Variants in IL1RAPL2 observed in about 807,000 individuals in gnomAD.
IL1RAPL2 encodes the protein X-linked interleukin-1 receptor accessory protein-like 2.
A neutral mutation model predicts 44.1 loss-of-function variants in IL1RAPL2; 3 were observed. The ratio of observed to expected loss-of-function variants is 0.07; its 90% CI spans 0.03 to 0.18. The LOEUF (loss-of-function observed/expected upper bound fraction) is 0.18. IL1RAPL2 is among the 10% of genes least tolerant of loss of function. The pLI is 1.00. For missense variants in IL1RAPL2, 391 were observed against 496.4 expected, an observed-to-expected ratio of 0.79 and a Z score of 2.02; for synonymous variants, 181 against 178.8, an observed-to-expected ratio of 1.01 and a Z score of -0.10.
At chrX:105,329,116 G>C (rs2034965091) in intron 5 of IL1RAPL2, among the ~76,000 whole-genome samples, 1 of 112,086 alleles carries the variant, frequency 8.9e-6, no homozygotes, top group African/African-American at 3.2e-5. Context: ...ATATTTTTCT[G>C]TGGATTCTGA....
chrX:105,511,221 G>A (rs1212676867), intron 6 of IL1RAPL2, among the ~76,000 whole-genome samples: 1 of 111,309 alleles, frequency 9.0e-6, no homozygotes, highest in African/African-American at 3.3e-5. Context: ...CTTATGATTC[G>A]AGAAAAGGTC....
intron 2 of IL1RAPL2, among the ~76,000 whole-genome samples, chrX:104,780,878 T>C (rs1724001928): frequency 9.0e-6 from 1 of 111,404 alleles, no homozygotes; most frequent in African/African-American, 3.3e-5. Flanking sequence ...ATTTGTGTAT[T>C]CTAAGGAAGC....
intron 8 of IL1RAPL2, among the ~76,000 whole-genome samples, chrX:105,747,492 ATGTGTGTGTG>A (rs748769479): frequency 5.2e-4 from 31 of 59,611 alleles, no homozygotes; most frequent in South Asian, 2.7e-3. Context: ...GTGTGTGTGT[ATGTGTGTGTG>A]TGTGTGTGTG....
chrX:105,307,304 C>G (rs779717379), intron 5 of IL1RAPL2, among the ~76,000 whole-genome samples: 53 of 94,332 alleles, frequency 5.6e-4, no homozygotes, highest in Admixed American at 2.3e-3. Context: ...GGCATGGTTA[C>G]ACATGCCTAT....
intron 2 of IL1RAPL2, among the ~76,000 whole-genome samples, chrX:104,795,543 A>G (rs1932845158): frequency 9.1e-6 from 1 of 110,329 alleles, no homozygotes; most frequent in South Asian, 3.9e-4. Flanking sequence ...ATAAAAAGTG[A>G]TGGATCAAGT....
At chrX:104,658,816 A>C (rs779523552) in intron 1 of IL1RAPL2, 79 bp from the exon 2 acceptor site, 6 of 624,988 alleles carry the variant, frequency 9.6e-6, no homozygotes, top group Non-Finnish European at 1.6e-5. Flanking sequence ...AGTTTTGAAA[A>C]ATGTAAAATT....
In IL1RAPL2 at chrX:105,284,607, G is replaced by T. The variant is rs145345699; in HGVS notation, c.697+17066G>T. 8.1e-3 allele frequency among the ~76,000 whole-genome samples: 907 copies of T among 111,777 alleles called. 12 individuals are homozygous for T. The highest frequency in any genetic ancestry group is 0.028 in the African/African-American group (869 of 30,785). On this transcript the variant is annotated intron_variant, in intron 5 of 10. Transcript: ENST00000372582. The stretch of plus-strand genomic sequence containing the variant: ...GAGAATAAAGCCTGGTACATAGTTG[G>T]CTCTCAATAAATGATAGCTAATATT...
intron 2 of IL1RAPL2, among the ~76,000 whole-genome samples, chrX:104,845,925 A>G (rs918456430): frequency 1.8e-5 from 2 of 111,664 alleles, no homozygotes; most frequent in African/African-American, 6.5e-5. Flanking sequence ...ATTGATGACT[A>G]AGAGTCAGTG....
intron 5 of IL1RAPL2, among the ~76,000 whole-genome samples, chrX:105,332,127 G>A (rs1017891935): frequency 1.6e-4 from 18 of 110,102 alleles, no homozygotes; most frequent in Non-Finnish European, 1.1e-4. Context: ...TGCAGGTATC[G>A]CAGACATATA....
At chrX:105,035,001 G>A (rs1461320444) in intron 2 of IL1RAPL2, among the ~76,000 whole-genome samples, 1 of 77,370 alleles carries the variant, frequency 1.3e-5, no homozygotes, top group Non-Finnish European at 2.4e-5. Context: ...TGCTGTGCTA[G>A]CAATCAGCGA....
At chrX:105,149,835 A>AAAAT (rs765874056) in intron 2 of IL1RAPL2, among the ~76,000 whole-genome samples, 2,716 of 109,475 alleles carry the variant, frequency 0.025, 77 homozygotes, top group African/African-American at 0.068. Flanking sequence ...CTCCATCTCA[A>AAAAT]AAATAAATAA....
intron 2 of IL1RAPL2, among the ~76,000 whole-genome samples, chrX:105,005,668 T>G (rs2030929439): frequency 9.0e-6 from 1 of 110,687 alleles, no homozygotes; most frequent in South Asian, 3.8e-4. Context: ...TCACCATGTA[T>G]TTCCAAGTTT....
chrX:104,896,642 T>C (rs1314685600), intron 2 of IL1RAPL2, among the ~76,000 whole-genome samples: 2 of 111,571 alleles, frequency 1.8e-5, no homozygotes, highest in East Asian at 2.8e-4. Context: ...AATGGACCAA[T>C]CAGCAGGATG....
At chrX:105,087,865 G>T (rs1320120069) in intron 2 of IL1RAPL2, among the ~76,000 whole-genome samples, 1 of 112,201 alleles carries the variant, frequency 8.9e-6, no homozygotes, top group African/African-American at 3.2e-5. Context: ...CAGAGCTGGA[G>T]TTGCTTTTGT....
chrX:105,469,930 A>G (rs1234184251), intron 5 of IL1RAPL2, among the ~76,000 whole-genome samples: 1 of 111,625 alleles, frequency 9.0e-6, no homozygotes, highest in Admixed American at 9.6e-5. Flanking sequence ...TTCCAGAAAT[A>G]TAGTTGGTGA....
At chrX:104,694,980 C>G in intron 2 of IL1RAPL2, among the ~76,000 whole-genome samples, 1 of 112,278 alleles carries the variant, frequency 8.9e-6, no homozygotes, top group Non-Finnish European at 1.9e-5. Context: ...GAGTTGGTCC[C>G]ATTACAAACT....
rs1457197085 is a variant in IL1RAPL2 at position 105,633,021 on chromosome X, T to C, written c.773-84346T>C. 1.8e-5 allele frequency among the ~76,000 whole-genome samples: 2 copies of C among 111,740 alleles called. 1 individual carries two copies. Among genetic ancestry groups the C allele is most frequent in the Admixed American group, 1.9e-4 (2 of 10,541 alleles). On this transcript the variant is annotated intron_variant, in intron 6 of 10. Transcript: ENST00000372582. ...CGTCAACACATTAATTCATTTCACTTTCCTCCCAGTTAGGGAAACTTCCTC... is the reference window on the plus strand; with the variant it reads ...CGTCAACACATTAATTCATTTCACTCTCCTCCCAGTTAGGGAAACTTCCTC...
At chrX:105,398,684 C>A (rs1234993669) in intron 5 of IL1RAPL2, among the ~76,000 whole-genome samples, 1 of 111,824 alleles carries the variant, frequency 8.9e-6, no homozygotes, top group Non-Finnish European at 1.9e-5. Flanking sequence ...CCTTTCCATA[C>A]ATGCTTTAAA....
intron 2 of IL1RAPL2, among the ~76,000 whole-genome samples, chrX:105,038,126 A>T (rs2031661190): frequency 9.0e-6 from 1 of 111,121 alleles, no homozygotes; most frequent in African/African-American, 3.3e-5. Flanking sequence ...TCAGACCTAG[A>T]TCCACCCACA....
Sources: allele counts gnomAD v4.1 joint callset (sites outside exome capture counted in the v4.1 genomes callset), GRCh38; gene constraint gnomAD v4.1.1; transcripts MANE v1.5; gene names NCBI Gene and HGNC (gene_info 2026-07-23, HGNC 2026-07-21).